CCDC6: variants seen among roughly 807,000 people sequenced by gnomAD.
CCDC6 encodes coiled-coil domain-containing protein 6.
A neutral mutation model predicts 56.6 loss-of-function variants in CCDC6; 20 were observed. That is an observed-to-expected ratio of 0.35 (90% CI 0.25 to 0.51). The LOEUF (loss-of-function observed/expected upper bound fraction) is 0.51, where lower values mean the gene tolerates loss of function less well. CCDC6 is among the 20% of genes least tolerant of loss of function. CCDC6 has a pLI of 0.95. For synonymous variants in CCDC6, 241 were observed against 234.4 expected (o/e 1.03, Z -0.26); for missense variants, 367 against 601.1 (o/e 0.61, Z 4.07).
At chr10:59,807,158 C>A in intron 5 of CCDC6, 80 bp from the exon 6 acceptor site, 1 of 1,273,600 alleles carries the variant, frequency 7.9e-7, no homozygotes, top group East Asian at 2.4e-5. Context: ...TTCAGTTCAG[C>A]CCCTATGCCA....
At chr10:59,852,856 A>G (rs749165603) in intron 1 of CCDC6, among the ~76,000 whole-genome samples, 154 bp from the exon 2 acceptor site, 4 of 152,216 alleles carry the variant, frequency 2.6e-5, no homozygotes, top group African/African-American at 4.8e-5. Context: ...CAAGAAATGC[A>G]AAACAGAGGA....
chr10:59,827,529 C>G (rs1408537159), intron 3 of CCDC6, among the ~76,000 whole-genome samples: 1 of 152,104 alleles, frequency 6.6e-6, no homozygotes, highest in African/African-American at 2.4e-5. Context: ...AACTGCTTCA[C>G]AGAAGAGGTC....
chr10:59,849,265 G>C (rs1039798375), intron 2 of CCDC6, among the ~76,000 whole-genome samples: 1 of 152,156 alleles, frequency 6.6e-6, no homozygotes, highest in Non-Finnish European at 1.5e-5. Context: ...ACGAGATAAA[G>C]ATACAATTTT....
chr10:59,855,822 G>C (rs760209367), intron 1 of CCDC6, among the ~76,000 whole-genome samples: 1 of 152,128 alleles, frequency 6.6e-6, no homozygotes, highest in Non-Finnish European at 1.5e-5. Context: ...TATTCACAGA[G>C]GACCAGTTTC....
At chr10:59,892,263 T>A (rs555496294) in intron 1 of CCDC6, among the ~76,000 whole-genome samples, 187 of 152,290 alleles carry the variant, frequency 1.2e-3, no homozygotes, top group Admixed American at 2.3e-3. Flanking sequence ...TGTACTTTTT[T>A]AAAAAACACA....
chr10:59,882,315 G>GGGGAGAAGGAAAGGAAAGCCGGC (rs1171095258), intron 1 of CCDC6, among the ~76,000 whole-genome samples: 1 of 8,030 alleles, frequency 1.2e-4, no homozygotes, highest in Non-Finnish European at 2.5e-4. Context: ...GGAAAGCCGG[G>GGGGAGAAGGAAAGGAAAGCCGGC]GGGAGAAGGA....
chr10:59,880,399 T>G (rs116258155), intron 1 of CCDC6, among the ~76,000 whole-genome samples: 1,731 of 152,180 alleles, frequency 0.011, 33 homozygotes, highest in African/African-American at 0.04. Flanking sequence ...TATAGATAAA[T>G]CCCACAGACA....
chr10:59,875,593 A>G (rs193079142), intron 1 of CCDC6, among the ~76,000 whole-genome samples: 26 of 152,350 alleles, frequency 1.7e-4, no homozygotes, highest in Admixed American at 9.1e-4. Flanking sequence ...TGAAAACTAC[A>G]TCACAAGTCC....
chr10:59,834,108 C>A (rs1297142908), intron 2 of CCDC6, among the ~76,000 whole-genome samples: 1 of 152,134 alleles, frequency 6.6e-6, no homozygotes, highest in Non-Finnish European at 1.5e-5. Flanking sequence ...TCTTTGTAAA[C>A]CCTCCTTAGG....
intron 1 of CCDC6, among the ~76,000 whole-genome samples, chr10:59,905,871 A>T (rs2132692775): frequency 6.6e-6 from 1 of 152,278 alleles, no homozygotes; most frequent in South Asian, 2.1e-4. Context: ...AAAAGGGACC[A>T]TGAATGGTTG....
At chr10:59,858,081 A>G (rs541018414) in intron 1 of CCDC6, among the ~76,000 whole-genome samples, 1 of 152,274 alleles carries the variant, frequency 6.6e-6, no homozygotes, top group African/African-American at 2.4e-5. Flanking sequence ...GTTTATCAAC[A>G]CCAACCACTG....
At chr10:59,804,579 G>C in intron 6 of CCDC6, 59 bp from the exon 7 acceptor site, 2 of 928,050 alleles carry the variant, frequency 2.2e-6, no homozygotes, top group Non-Finnish European at 3.6e-6. Context: ...CCTTAGGAGA[G>C]TTTTTAAGAG....
chr10:59,843,782 G>A (rs112898867), intron 2 of CCDC6, among the ~76,000 whole-genome samples: 11 of 152,288 alleles, frequency 7.2e-5, no homozygotes, highest in African/African-American at 2.6e-4. Flanking sequence ...AAAGCCTTGT[G>A]TCTCTCATTT....
chr10:59,847,057 A>ATTT (rs11415063), intron 2 of CCDC6, among the ~76,000 whole-genome samples: 4 of 149,434 alleles, frequency 2.7e-5, no homozygotes, highest in Non-Finnish European at 1.5e-5. Context: ...GAATTAGAAA[A>ATTT]TTTTTTTTTT....
chr10:59,866,095 C>T (rs984703668), intron 1 of CCDC6, among the ~76,000 whole-genome samples: 7 of 152,064 alleles, frequency 4.6e-5, no homozygotes, highest in African/African-American at 7.2e-5. Flanking sequence ...TACAATCATT[C>T]GATTTCTAAA....
At position 59,793,044 on chromosome 10, in the gene CCDC6, T is replaced by A. The variant is rs773513755; in HGVS notation, c.1298A>T (p.Asn433Ile). 2 of 1,613,738 alleles carry A rather than the reference T, an allele frequency of 1.2e-6. No individual in the cohort carries two copies. Among genetic ancestry groups the A allele is most frequent in the South Asian group, 2.2e-5 (2 of 91,048 alleles). Residue 433 changes from asparagine to isoleucine, a missense_variant, in exon 9 of 9, where the codon AAC (asparagine) becomes ATC (isoleucine). Physicochemically the swap from Asn to Ile is moderately radical, Grantham distance 149 (BLOSUM62 -3). Around this residue, in one of 7 missense-constraint regions of CCDC6, gnomAD observed 54 missense variants for 60.0 expected, o/e 0.90. Coordinates refer to ENST00000263102, the MANE Select transcript of CCDC6 (RefSeq NM_005436.5). Reference sequence around the variant, plus strand: ...AGGTGGCTGGACTGGGGTCTGTGTGTTGGGAGATGGAGGCGGCGTGGGCCG... The same window carrying A: ...AGGTGGCTGGACTGGGGTCTGTGTGATGGGAGATGGAGGCGGCGTGGGCCG... Reference protein sequence around the residue: ...FKRPTPPPSPNTQTPVQPPPP... With the variant: ...FKRPTPPPSPITQTPVQPPPP...
chr10:59,859,601 C>T (rs1234262293), intron 1 of CCDC6, among the ~76,000 whole-genome samples: 2 of 151,916 alleles, frequency 1.3e-5, no homozygotes, highest in Non-Finnish European at 2.9e-5. Flanking sequence ...CAAAGACAAA[C>T]CTAACAATCC....
chr10:59,838,120 C>A (rs7090362), intron 2 of CCDC6, among the ~76,000 whole-genome samples: 2,482 of 152,164 alleles, frequency 0.016, 75 homozygotes, highest in African/African-American at 0.056. Context: ...CTTGGGCCCA[C>A]ACTTATTCCC....
chr10:59,829,574 T>C (rs915582248), intron 3 of CCDC6, among the ~76,000 whole-genome samples: 5 of 152,132 alleles, frequency 3.3e-5, no homozygotes, highest in Non-Finnish European at 5.9e-5. Flanking sequence ...ATCCATACCA[T>C]AGATGATTAT....
Sources: gnomAD v4.1 joint callset for allele counts (sites outside exome capture counted in the v4.1 genomes callset) on GRCh38, gnomAD v4.1.1 for gene constraint, gnomAD v4.1.1 regional missense constraint, MANE v1.5 for transcripts, NCBI Gene and HGNC (gene_info 2026-07-23, HGNC 2026-07-21) for gene names.